PAM: variants seen among roughly 807,000 people sequenced by gnomAD.
PAM encodes peptidyl-glycine alpha-amidating monooxygenase.
Under a neutral mutation model 122.1 loss-of-function variants are expected in PAM, and 72 were observed. That is an observed-to-expected ratio of 0.59 (90% CI 0.49 to 0.72). PAM has a LOEUF of 0.72. Ranked by LOEUF, PAM falls within the 30% of genes least tolerant of loss-of-function variation. The probability of loss-of-function intolerance (pLI) is 0.00; values close to 1 mark genes in which losing one functional copy is unlikely to be tolerated. For missense variants in PAM, 1,106 were observed against 1,183.7 expected (o/e 0.93, Z 0.96); for synonymous variants, 389 against 404.4 (o/e 0.96, Z 0.46).
chr5:102,779,918 T>TATATATATATATACACAC (rs147065045), intron 1 of PAM, among the ~76,000 whole-genome samples: 85 of 95,640 alleles, frequency 8.9e-4, no homozygotes, highest in South Asian at 8.1e-3. Context: ...TATATATATA[T>TATATATATATATACACAC]ACACACATAT....
At chr5:102,991,777 A>T (rs750915900) in intron 16 of PAM, among the ~76,000 whole-genome samples, 4 of 152,172 alleles carry the variant, frequency 2.6e-5, no homozygotes, top group Non-Finnish European at 5.9e-5. Flanking sequence ...GCATCGTCTT[A>T]GTCATTATTG....
rs1748944804 is a variant in PAM, at chr5:102,925,035, C to T, written c.435C>T (p.Leu145=). 1.3e-6 allele frequency: 2 copies of T among 1,541,716 alleles called. No individual in the cohort carries two copies. Among genetic ancestry groups the T allele is most frequent in the Non-Finnish European group, 1.8e-6 (2 of 1,113,974 alleles). Residue 145 remains leucine (L), a synonymous_variant, in exon 6 of 26, where the codon CTC becomes CTT. Coordinates refer to ENST00000438793, the MANE Select transcript of PAM (RefSeq NM_001177306.2). The part of the protein sequence containing the change: ...AWARNAPPTR[L]PKGVGFRVGG... ...CGAGAAATGCTCCCCCTACCCGGCTCCCCAAAGGTATGTCAGAGCCTCTTG... is the reference window on the plus strand; with the variant it reads ...CGAGAAATGCTCCCCCTACCCGGCTTCCCAAAGGTATGTCAGAGCCTCTTG...
chr5:102,758,115 G>A (rs1751175367), intron 1 of PAM, among the ~76,000 whole-genome samples: 1 of 111,216 alleles, frequency 9.0e-6, no homozygotes, highest in African/African-American at 3.4e-5. Context: ...TTTTCTTGGG[G>A]CAAAGAATGA....
chr5:102,809,949 T>C (rs904203692), intron 1 of PAM, among the ~76,000 whole-genome samples: 1 of 152,286 alleles, frequency 6.6e-6, no homozygotes, highest in East Asian at 1.9e-4. Context: ...TCCTAAGAAG[T>C]AGGAAAAATT....
chr5:102,982,869 A>G (rs772902347), intron 15 of PAM, among the ~76,000 whole-genome samples: 1 of 152,160 alleles, frequency 6.6e-6, no homozygotes, highest in Non-Finnish European at 1.5e-5. Flanking sequence ...CAGACTCAAC[A>G]AAAAAGAAAT....
chr5:102,926,730 C>G, intron 7 of PAM, 62 bp downstream of exon 7: 1 of 831,184 alleles, frequency 1.2e-6, no homozygotes, highest in Non-Finnish European at 2.1e-6. Flanking sequence ...AAAATACATG[C>G]ACAAACTATT....
At chr5:102,891,964 T>G (rs1794910537) in intron 3 of PAM, among the ~76,000 whole-genome samples, 1 of 151,888 alleles carries the variant, frequency 6.6e-6, no homozygotes, top group Admixed American at 6.6e-5. Flanking sequence ...AATTCCCTTT[T>G]GTTCCAGCAT....
chr5:102,936,899 A>G (rs1354892570), intron 7 of PAM, among the ~76,000 whole-genome samples: 1 of 152,014 alleles, frequency 6.6e-6, no homozygotes, highest in Non-Finnish European at 1.5e-5. Context: ...TCACTCCTGC[A>G]TTTTTTTCCT....
intron 7 of PAM, among the ~76,000 whole-genome samples, chr5:102,930,509 T>TA (rs1751118499): frequency 6.6e-6 from 1 of 152,276 alleles, no homozygotes; most frequent in South Asian, 2.1e-4. Flanking sequence ...AACAGCATCT[T>TA]AGACACAAAG....
intron 1 of PAM, among the ~76,000 whole-genome samples, chr5:102,802,733 G>A (rs1336492675): frequency 1.3e-5 from 2 of 152,124 alleles, no homozygotes; most frequent in Non-Finnish European, 2.9e-5. Flanking sequence ...TCTCAAAGAA[G>A]GTGGTGTCAT....
chr5:102,932,002 C>T (rs1751707624), intron 7 of PAM, among the ~76,000 whole-genome samples: 1 of 152,064 alleles, frequency 6.6e-6, no homozygotes, highest in African/African-American at 2.4e-5. Flanking sequence ...ATCCTATTTT[C>T]AACTCTCCTT....
chr5:102,933,231 T>C (rs971609924), intron 7 of PAM, among the ~76,000 whole-genome samples: 1 of 152,256 alleles, frequency 6.6e-6, no homozygotes, highest in East Asian at 1.9e-4. Flanking sequence ...ATACAGAATC[T>C]AGATGAGTTT....
At chr5:103,024,334 C>T (rs1040435604) in intron 23 of PAM, among the ~76,000 whole-genome samples, 2 of 152,232 alleles carry the variant, frequency 1.3e-5, no homozygotes, top group African/African-American at 2.4e-5. Context: ...ATTTCCCAAA[C>T]AGTACTTTAG....
intron 7 of PAM, among the ~76,000 whole-genome samples, chr5:102,944,535 G>A (rs1273464014): frequency 6.6e-6 from 1 of 152,080 alleles, no homozygotes; most frequent in African/African-American, 2.4e-5. Flanking sequence ...TACATTGGAA[G>A]AATAATTTCA....
intron 14 of PAM, among the ~76,000 whole-genome samples, chr5:102,966,137 G>C (rs1183787059): frequency 6.6e-6 from 1 of 152,018 alleles, no homozygotes; most frequent in Non-Finnish European, 1.5e-5. Context: ...GTTTTTGTTT[G>C]TATGCCTATT....
chr5:102,997,376 G>T (rs931351946), intron 16 of PAM, among the ~76,000 whole-genome samples: 3 of 151,940 alleles, frequency 2.0e-5, no homozygotes, highest in African/African-American at 7.2e-5. Flanking sequence ...AATTATCTAG[G>T]CATGGTGGTG....
At chr5:103,007,280 G>A (rs769049432) in intron 19 of PAM, among the ~76,000 whole-genome samples, 177 bp from the exon 20 acceptor site, 9 of 151,782 alleles carry the variant, frequency 5.9e-5, no homozygotes, top group Non-Finnish European at 1.2e-4. Flanking sequence ...GAGAAAATCT[G>A]TAATGTATTT....
intron 1 of PAM, among the ~76,000 whole-genome samples, chr5:102,774,401 ACTC>A (rs2149793224): frequency 6.6e-6 from 1 of 152,068 alleles, no homozygotes; most frequent in East Asian, 1.9e-4. Flanking sequence ...TAAGAGAGCC[ACTC>A]CAAAGTGAGA....
intron 7 of PAM, among the ~76,000 whole-genome samples, chr5:102,939,354 A>C (rs534815201): frequency 5.3e-5 from 8 of 152,162 alleles, no homozygotes; most frequent in Non-Finnish European, 1.0e-4. Context: ...GTCCTCCCCC[A>C]CACTTTTCGA....
Sources: allele counts gnomAD v4.1 joint callset (sites outside exome capture counted in the v4.1 genomes callset), GRCh38; gene constraint gnomAD v4.1.1; transcripts MANE v1.5; gene names NCBI Gene and HGNC (gene_info 2026-07-23, HGNC 2026-07-21).